PDE4D: variants seen among roughly 807,000 people sequenced by gnomAD.
The protein encoded by PDE4D is phosphodiesterase 4D.
Under a neutral mutation model 87.4 loss-of-function variants are expected in PDE4D, and 24 were observed. The ratio of observed to expected loss-of-function variants is 0.27; its 90% CI spans 0.20 to 0.39. The LOEUF (loss-of-function observed/expected upper bound fraction) is 0.39, where lower values mean the gene tolerates loss of function less well. Ranked by LOEUF, PDE4D falls within the 10% of genes least tolerant of loss-of-function variation. The pLI, the probability that PDE4D is intolerant of heterozygous loss-of-function variation, is 1.00. For missense variants in PDE4D, 714 were observed against 1,041.0 expected (o/e 0.69, Z 4.32); for synonymous variants, 384 against 383.2 (o/e 1.00, Z -0.02).
Position 59,443,458 on chromosome 5 carries a change from C to G in PDE4D, c.456-227490G>C, listed in dbSNP as rs1797927856. Among the ~76,000 whole-genome samples the G allele has an allele frequency of 3.3e-5, 5 of 152,290 alleles. 1 individual carries two copies. The highest frequency in any genetic ancestry group is 1.2e-4 in the African/African-American group (5 of 41,570). ...TAAAAGAAATGGCAGAATTCCTGAA[C>G]AGCATGTTCCATTTAGAAATAAAAG... On this transcript the variant is annotated intron_variant, in intron 1 of 14. Transcript: ENST00000340635.
rs1183152748 is a variant in PDE4D at position 60,165,530 on chromosome 5, TTACTTC to T, written c.42+20021_42+20026del. 2.6e-5 allele frequency among the ~76,000 whole-genome samples: 4 copies of T among 151,960 alleles called. No homozygotes were observed. The East Asian group carries it at 7.7e-4, about 29-fold the overall frequency. On this transcript the variant is annotated intron_variant, in intron 2 of 16. Coordinates refer to the PDE4D transcript ENST00000502484. Reference sequence around the variant, plus strand: ...TTCTAATATTAATTTTAAAATTTCTTTACTTCTATGCAGGATGTCATTAATATTTTG... The same window carrying T: ...TTCTAATATTAATTTTAAAATTTCTTTATGCAGGATGTCATTAATATTTTG...
At chr5:60,213,714 T>G (rs983921499) in intron 1 of PDE4D, among the ~76,000 whole-genome samples, 17 of 152,180 alleles carry the variant, frequency 1.1e-4, no homozygotes, top group African/African-American at 4.1e-4. Context: ...GCGTTTCTGC[T>G]ACACCTTTAC....
intron 1 of PDE4D, among the ~76,000 whole-genome samples, chr5:60,337,376 T>TACACAC (rs1561133934): frequency 5.1e-5 from 6 of 118,790 alleles, no homozygotes; most frequent in African/African-American, 2.1e-4. Flanking sequence ...TATATATATA[T>TACACAC]ATATATATAT....
intron 5 of PDE4D, among the ~76,000 whole-genome samples, chr5:59,044,936 C>T (rs1173408067): frequency 6.6e-6 from 1 of 152,150 alleles, no homozygotes; most frequent in African/African-American, 2.4e-5. Context: ...CTTTCATTGA[C>T]TTTTAGTCCC....
intron 1 of PDE4D, among the ~76,000 whole-genome samples, chr5:59,731,476 C>G (rs1293761126): frequency 6.6e-6 from 1 of 152,116 alleles, no homozygotes; most frequent in Non-Finnish European, 1.5e-5. Context: ...TTTGCTACCT[C>G]CTGATATCCT....
At chr5:59,598,977 C>T (rs1431160706) in intron 1 of PDE4D, among the ~76,000 whole-genome samples, 1 of 152,064 alleles carries the variant, frequency 6.6e-6, no homozygotes, top group Non-Finnish European at 1.5e-5. Context: ...GTTTTCCACA[C>T]CTTGAATGCA....
chr5:59,500,669 G>GC (rs1361384664), intron 1 of PDE4D, among the ~76,000 whole-genome samples: 1 of 152,104 alleles, frequency 6.6e-6, no homozygotes, highest in Admixed American at 6.6e-5. Context: ...TCACTACGTG[G>GC]GCAGTGGGAT....
At chr5:60,462,530 T>A (rs62372012) in intron 1 of PDE4D, among the ~76,000 whole-genome samples, 2 of 152,092 alleles carry the variant, frequency 1.3e-5, no homozygotes, top group Non-Finnish European at 2.9e-5. Flanking sequence ...TATTCAGTGA[T>A]CCAAAGAAAA....
intron 1 of PDE4D, among the ~76,000 whole-genome samples, chr5:60,294,054 G>A (rs1038163645): frequency 1.3e-5 from 2 of 152,172 alleles, no homozygotes; most frequent in Non-Finnish European, 2.9e-5. Flanking sequence ...CTATCAACAA[G>A]TGTAAGAGTT....
intron 1 of PDE4D, among the ~76,000 whole-genome samples, chr5:59,638,708 G>T (rs548113949): frequency 1.3e-5 from 2 of 151,956 alleles, no homozygotes; most frequent in South Asian, 4.2e-4. Flanking sequence ...TTAAAGAAAT[G>T]TAAGGACAAA....
Position 58,995,232 on chromosome 5 carries a change from C to T in PDE4D, c.922-1767G>A, listed in dbSNP as rs1561262291. On this transcript the variant is annotated intron_variant, in intron 6 of 14. Transcript: ENST00000340635. ...CTATAGAAAATGTAGAAAGCTATAC[C>T]AAAAAAAAGAAAATAATGTAAATCC... Among the ~76,000 whole-genome samples the T allele has an allele frequency of 2.0e-5, 3 of 151,262 alleles. No homozygotes were observed. In the East Asian group the frequency reaches 5.8e-4, roughly 29 times the overall value.
intron 1 of PDE4D, among the ~76,000 whole-genome samples, chr5:60,408,362 A>T (rs1380330556): frequency 6.6e-6 from 1 of 152,206 alleles, no homozygotes; most frequent in Non-Finnish European, 1.5e-5. Flanking sequence ...CCAATCCTGA[A>T]ATAAGTAGTT....
Position 59,574,005 on chromosome 5 carries a change from A to ATAT in PDE4D, c.455+319162_455+319163insATA, listed in dbSNP as rs1554032329. 3.7e-4 allele frequency among the ~76,000 whole-genome samples: 44 copies of ATAT among 119,682 alleles called. 3 individuals are homozygous for ATAT. Among genetic ancestry groups the ATAT allele is most frequent in the African/African-American group, 1.4e-3 (40 of 28,512 alleles). The allele number at this position is 119,682 out of a possible 152,430, so 78.5% of individuals were successfully genotyped here. On this transcript the variant is annotated intron_variant, in intron 1 of 14. Transcript: ENST00000340635. Reference sequence around the variant, plus strand: ...AAAGGGAGACTCTGTCTCAAAAAAAAATATATATATATATATATATATAAA... The same window carrying ATAT: ...AAAGGGAGACTCTGTCTCAAAAAAAATATATATATATATATATATATATATAAA...
chr5:59,970,920 T>A (rs1432218647), intron 3 of PDE4D, among the ~76,000 whole-genome samples: 1 of 149,332 alleles, frequency 6.7e-6, no homozygotes, highest in Admixed American at 6.7e-5. Context: ...ATGTTTATTG[T>A]GGCACTATTC....
intron 6 of PDE4D, among the ~76,000 whole-genome samples, chr5:59,025,079 G>A (rs1472371933): frequency 3.3e-5 from 5 of 151,952 alleles, no homozygotes; most frequent in Admixed American, 1.3e-4. Context: ...TTTTTAACAG[G>A]ATTATAGCTT....
chr5:59,421,203 G>A (rs1443121164), intron 1 of PDE4D, among the ~76,000 whole-genome samples: 2 of 152,124 alleles, frequency 1.3e-5, no homozygotes, highest in Non-Finnish European at 2.9e-5. Context: ...CAAATTCATT[G>A]TTTTTTGATT....
chr5:60,340,818 C>T (rs1758250290), intron 1 of PDE4D, among the ~76,000 whole-genome samples: 1 of 152,118 alleles, frequency 6.6e-6, no homozygotes, highest in Non-Finnish European at 1.5e-5. Context: ...TTTTCAAGGA[C>T]ATTGTCCTCA....
At chr5:60,457,447 G>C (rs1431412004) in intron 1 of PDE4D, among the ~76,000 whole-genome samples, 2 of 152,120 alleles carry the variant, frequency 1.3e-5, no homozygotes, top group Non-Finnish European at 2.9e-5. Context: ...CCTGTCCTTA[G>C]AAGTTAGGCC....
chr5:59,841,255 G>A (rs1293632822), intron 1 of PDE4D, among the ~76,000 whole-genome samples: 3 of 152,040 alleles, frequency 2.0e-5, no homozygotes, highest in Admixed American at 2.0e-4. Context: ...TGGATGTGAG[G>A]GAAGGAGTTA....
Sources: gnomAD v4.1 joint callset for allele counts (sites outside exome capture counted in the v4.1 genomes callset) on GRCh38, gnomAD v4.1.1 for gene constraint, MANE v1.5 for transcripts, NCBI Gene and HGNC (gene_info 2026-07-23, HGNC 2026-07-21) for gene names.